Variants in PLEKHA5 observed in about 807,000 individuals in gnomAD.
The protein encoded by PLEKHA5 is pleckstrin homology domain-containing family A member 5.
In PLEKHA5, 55 loss-of-function variants were observed where a neutral mutation model predicts 181.9. The ratio of observed to expected loss-of-function variants is 0.30; its 90% CI spans 0.24 to 0.38. The LOEUF is 0.38. Ranked by LOEUF, PLEKHA5 falls within the 10% of genes least tolerant of loss-of-function variation. The pLI is 1.00. For synonymous variants in PLEKHA5, 535 were observed against 529.4 expected, an observed-to-expected ratio of 1.01 and a Z score of -0.15; for missense variants, 1,432 against 1,549.5, an observed-to-expected ratio of 0.92 and a Z score of 1.27.
chr12:19,193,300 TTAAGA>T (rs1489554978), intron 3 of PLEKHA5, among the ~76,000 whole-genome samples: 1 of 152,198 alleles, frequency 6.6e-6, no homozygotes, highest in African/African-American at 2.4e-5. Context: ...ACTTTGTTTA[TTAAGA>T]TAATTTATGA....
chr12:19,143,398 T>C (rs1236238994), intron 3 of PLEKHA5, among the ~76,000 whole-genome samples: 1 of 152,222 alleles, frequency 6.6e-6, no homozygotes, highest in East Asian at 1.9e-4. Flanking sequence ...TGTTTTATAA[T>C]GTTAAGTGTT....
intron 15 of PLEKHA5, among the ~76,000 whole-genome samples, chr12:19,308,346 C>G (rs970260759): frequency 6.6e-6 from 1 of 152,088 alleles, no homozygotes; most frequent in African/African-American, 2.4e-5. Flanking sequence ...ATGTATATAG[C>G]TCTGAGTTAT....
At chr12:19,325,648 A>G (rs2091922359) in intron 20 of PLEKHA5, among the ~76,000 whole-genome samples, 1 of 149,686 alleles carries the variant, frequency 6.7e-6, no homozygotes, top group Non-Finnish European at 1.5e-5. Context: ...AGATCGTGCC[A>G]TTGCACTCCA....
chr12:19,269,386 C>CAAA (rs34976369), intron 8 of PLEKHA5, among the ~76,000 whole-genome samples: 2 of 127,556 alleles, frequency 1.6e-5, no homozygotes, highest in African/African-American at 3.0e-5. Flanking sequence ...GACTCTGTCT[C>CAAA]AAAAAAAAGA....
At chr12:19,305,903 G>A (rs1404271393) in intron 15 of PLEKHA5, among the ~76,000 whole-genome samples, 3 of 142,800 alleles carry the variant, frequency 2.1e-5, no homozygotes, top group African/African-American at 5.2e-5. Flanking sequence ...AAGACTGGGC[G>A]CGGTGGCTCT....
chr12:19,198,523 T>G (rs1284487008), intron 3 of PLEKHA5, among the ~76,000 whole-genome samples: 1 of 152,204 alleles, frequency 6.6e-6, no homozygotes, highest in Non-Finnish European at 1.5e-5. Context: ...TGTAGTCTTT[T>G]GTTTATTGAG....
chr12:19,147,378 A>G (rs1268665459), intron 3 of PLEKHA5: 1 of 152,232 alleles, frequency 6.6e-6, no homozygotes, highest in Non-Finnish European at 1.5e-5. Flanking sequence ...AGGGCTGCAC[A>G]TAAAAGGCAG....
chr12:19,270,127 C>G (rs978316661), intron 9 of PLEKHA5, 61 bp from the exon 10 acceptor site: 2 of 979,918 alleles, frequency 2.0e-6, no homozygotes, highest in East Asian at 5.4e-5. Context: ...TTTCACCTAT[C>G]GGTGTACTGG....
At position 19,269,785 on chromosome 12, in the gene PLEKHA5, A is replaced by T; in HGVS notation, c.727A>T (p.Met243Leu). Residue 243 changes from methionine to leucine, a missense_variant, in exon 9 of 32, where the codon ATG (methionine) becomes TTG (leucine). Physicochemically the swap from Met to Leu is conservative, Grantham distance 15. Transcript: ENST00000429027. Reference sequence around the variant, plus strand: ...TTTCAATCAGGCAGCCCATCCAAACATGCGGACCTATTATTTCTGCACTGA... The same window carrying T: ...TTTCAATCAGGCAGCCCATCCAAACTTGCGGACCTATTATTTCTGCACTGA... The part of the protein sequence containing the change: ...KYAFKAAHPN[M>L]RTYYFCTDTG... The T allele has an allele frequency of 6.3e-7, 1 of 1,589,650 alleles. No individual in the cohort carries two copies. The highest frequency in any genetic ancestry group is 8.6e-7 in the Non-Finnish European group (1 of 1,158,404).
chr12:19,258,138 G>A (rs763298383), intron 6 of PLEKHA5, among the ~76,000 whole-genome samples: 2 of 151,876 alleles, frequency 1.3e-5, no homozygotes, highest in African/African-American at 2.4e-5. Context: ...GCACTGACTG[G>A]GGAACTTGCT....
At chr12:19,346,358 G>A (rs1311584376) in intron 23 of PLEKHA5, among the ~76,000 whole-genome samples, 2 of 151,968 alleles carry the variant, frequency 1.3e-5, no homozygotes, top group Non-Finnish European at 1.5e-5. Context: ...AAAATTGGGG[G>A]GCCAGGTGCA....
rs138997100 is a variant in PLEKHA5 at position 19,343,332 on chromosome 12, G to T, written c.2560G>T (p.Ala854Ser). Reference protein sequence around the residue: ...DHLGEVQTESAGIQRAQIQKE... With the variant: ...DHLGEVQTESSGIQRAQIQKE... Reference sequence around the variant, plus strand: ...CCATTTTTACTGATAGACGGAATCAGCAGGAATTCAGCGTGCACAGATTCA... The same window carrying T: ...CCATTTTTACTGATAGACGGAATCATCAGGAATTCAGCGTGCACAGATTCA... Residue 854 changes from alanine to serine, a missense_variant, in exon 22 of 32, where the codon GCA (alanine) becomes TCA (serine). By Grantham distance (99) the Ala-to-Ser change is moderately conservative. Coordinates refer to ENST00000429027, the MANE Select transcript of PLEKHA5 (RefSeq NM_001256470.2). 6.2e-7 allele frequency: 1 copy of T among 1,609,640 alleles called. No individual in the cohort carries two copies. The highest frequency in any genetic ancestry group is 1.3e-5 in the African/African-American group (1 of 74,804).
At chr12:19,366,647 C>A (rs1395653209) in intron 30 of PLEKHA5, among the ~76,000 whole-genome samples, 1 of 152,040 alleles carries the variant, frequency 6.6e-6, no homozygotes, top group Non-Finnish European at 1.5e-5. Context: ...AGCGAGACTC[C>A]TTCTCAGAAA....
intron 3 of PLEKHA5, chr12:19,205,302 T>C: frequency 1.2e-6 from 1 of 859,946 alleles, no homozygotes; most frequent in Non-Finnish European, 1.4e-6. Context: ...TGTGGTTCAG[T>C]TTTCTTATAG....
At chr12:19,141,003 A>G (rs1215723593) in intron 3 of PLEKHA5, among the ~76,000 whole-genome samples, 1 of 152,122 alleles carries the variant, frequency 6.6e-6, no homozygotes, top group African/African-American at 2.4e-5. Flanking sequence ...ATGTTTGGCC[A>G]GGCTGGTTTC....
rs544134598 is a variant in PLEKHA5 at position 19,168,440 on chromosome 12, A to G, written c.227+35990A>G. 4.6e-5 allele frequency among the ~76,000 whole-genome samples: 7 copies of G among 152,296 alleles called. No individual in the cohort carries two copies. The South Asian group carries it at 6.2e-4, about 14-fold the overall frequency. On this transcript the variant is annotated intron_variant, in intron 3 of 31. Coordinates refer to ENST00000429027, the MANE Select transcript of PLEKHA5 (RefSeq NM_001256470.2). Reference sequence around the variant, plus strand: ...AGATGAAACAAATCATTTGTGGCCAATACATGGGTGGAAACCACAAGACCC... The same window carrying G: ...AGATGAAACAAATCATTTGTGGCCAGTACATGGGTGGAAACCACAAGACCC...
intron 21 of PLEKHA5, among the ~76,000 whole-genome samples, chr12:19,341,355 T>A (rs1310575417): frequency 6.6e-6 from 1 of 152,178 alleles, no homozygotes; most frequent in African/African-American, 2.4e-5. Context: ...AAATTAGATT[T>A]GCATTGTATA....
At chr12:19,204,590 G>A (rs1030620180) in intron 3 of PLEKHA5, among the ~76,000 whole-genome samples, 2 of 152,006 alleles carry the variant, frequency 1.3e-5, no homozygotes, top group African/African-American at 2.4e-5. Flanking sequence ...GCTGATTTTT[G>A]TGCCATTTTT....
At chr12:19,183,774 C>T (rs1254796066) in intron 3 of PLEKHA5, among the ~76,000 whole-genome samples, 4 of 152,218 alleles carry the variant, frequency 2.6e-5, no homozygotes, top group South Asian at 2.1e-4. Context: ...AGCACAGTGG[C>T]GTGATCTTGG....
Sources: allele counts gnomAD v4.1 joint callset (sites outside exome capture counted in the v4.1 genomes callset), GRCh38; gene constraint gnomAD v4.1.1; transcripts MANE v1.5; gene names NCBI Gene and HGNC (gene_info 2026-07-23, HGNC 2026-07-21).